Variants in MAF observed in about 807,000 individuals in gnomAD.
MAF encodes the protein MAF bZIP transcription factor, also known as transcription factor Maf.
In MAF, 10 loss-of-function variants were observed where a neutral mutation model predicts 22.0. The ratio of observed to expected loss-of-function variants is 0.45; its 90% CI spans 0.28 to 0.77. The LOEUF is 0.77. Ranked by LOEUF, MAF falls within the 30% of genes least tolerant of loss-of-function variation. MAF has a pLI of 0.12. For synonymous variants in MAF, 337 were observed against 255.8 expected, an observed-to-expected ratio of 1.32 and a Z score of -3.03; for missense variants, 544 against 548.4, an observed-to-expected ratio of 0.99 and a Z score of 0.08.
the MAF span, among the ~76,000 whole-genome samples, chr16:79,436,528 T>G: frequency 6.6e-6 from 1 of 152,210 alleles, no homozygotes. Flanking sequence ...AGAAAAGTGC[T>G]TCTCTTGCTT....
At chr16:79,569,822 C>A in the MAF span, among the ~76,000 whole-genome samples, 1 of 152,144 alleles carries the variant, frequency 6.6e-6, no homozygotes, top group Non-Finnish European at 1.5e-5. Context: ...AACCACCAAC[C>A]TAGAGGGAGC....
At chr16:79,472,104 C>T in the MAF span, among the ~76,000 whole-genome samples, 15,229 of 152,126 alleles carry the variant, frequency 0.1, 1,267 homozygotes, top group African/African-American at 0.23. Flanking sequence ...CAAGGAGCCA[C>T]CATATGTAAG....
the MAF span, among the ~76,000 whole-genome samples, chr16:79,336,697 C>T: frequency 2.6e-5 from 4 of 152,176 alleles, no homozygotes; most frequent in African/African-American, 9.7e-5. Flanking sequence ...TCAAGCATTT[C>T]TTATTTTACT....
the MAF span, among the ~76,000 whole-genome samples, chr16:79,346,109 T>C: frequency 2.0e-5 from 3 of 152,032 alleles, no homozygotes; most frequent in Non-Finnish European, 4.4e-5. Context: ...ACATGTGCCA[T>C]GTTGGTGTGC....
At chr16:79,256,911 G>T in the MAF span, among the ~76,000 whole-genome samples, 2 of 152,294 alleles carry the variant, frequency 1.3e-5, no homozygotes, top group African/African-American at 2.4e-5. Flanking sequence ...GGGCCCGGTG[G>T]CTCACGCCTG....
chr16:79,458,098 TG>T, the MAF span, among the ~76,000 whole-genome samples: 1 of 74,544 alleles, frequency 1.3e-5, no homozygotes, highest in Non-Finnish European at 3.8e-5. Flanking sequence ...ACTAAGATTT[TG>T]GTATGTATAA....
the MAF span, among the ~76,000 whole-genome samples, chr16:79,567,505 TA>T: frequency 1.3e-5 from 2 of 152,146 alleles, no homozygotes; most frequent in Non-Finnish European, 2.9e-5. Flanking sequence ...TTTTCTTTTT[TA>T]AAAAAAGTAA....
chr16:79,407,766 T>C, the MAF span, among the ~76,000 whole-genome samples: 30 of 152,196 alleles, frequency 2.0e-4, no homozygotes, highest in African/African-American at 6.0e-4. Context: ...CTGACACAAG[T>C]TGAATTTAAA....
At chr16:79,342,900 C>T in the MAF span, among the ~76,000 whole-genome samples, 4 of 152,094 alleles carry the variant, frequency 2.6e-5, no homozygotes, top group Non-Finnish European at 2.9e-5. Flanking sequence ...CCAAAGCGTT[C>T]GTTCTTACAG....
the MAF span, among the ~76,000 whole-genome samples, chr16:79,484,337 C>A: frequency 2.6e-5 from 4 of 152,202 alleles, no homozygotes; most frequent in Non-Finnish European, 5.9e-5. Flanking sequence ...TGACCACTAC[C>A]TCCCCACCCA....
At chr16:79,335,523 G>A in the MAF span, among the ~76,000 whole-genome samples, 19 of 152,200 alleles carry the variant, frequency 1.2e-4, no homozygotes, top group Admixed American at 1.2e-3. Context: ...AATGGCATGG[G>A]TAGGAACGGT....
chr16:79,463,173 C>T, the MAF span, among the ~76,000 whole-genome samples: 355 of 152,134 alleles, frequency 2.3e-3, 1 homozygote, highest in African/African-American at 8.2e-3. Context: ...GAGATCAGGC[C>T]CATGTAGCTG....
At chr16:79,309,775 T>C in the MAF span, among the ~76,000 whole-genome samples, 2 of 152,206 alleles carry the variant, frequency 1.3e-5, no homozygotes, top group Admixed American at 6.5e-5. Flanking sequence ...GTGATGCAGA[T>C]GGCTCCCCTT....
chr16:79,361,185 T>C, the MAF span, among the ~76,000 whole-genome samples: 5 of 152,044 alleles, frequency 3.3e-5, no homozygotes, highest in African/African-American at 1.2e-4. Flanking sequence ...TCTGGTGGAG[T>C]TGACACCAGG....
the MAF span, among the ~76,000 whole-genome samples, chr16:79,449,031 A>G: frequency 6.6e-6 from 1 of 152,182 alleles, no homozygotes; most frequent in African/African-American, 2.4e-5. Flanking sequence ...TTTTCCTCCA[A>G]TGAGACAGTC....
At chr16:79,306,385 A>T in the MAF span, among the ~76,000 whole-genome samples, 1 of 152,176 alleles carries the variant, frequency 6.6e-6, no homozygotes. Context: ...TTCCACACAC[A>T]TGTATGGAGT....
chr16:79,587,640 G>A (rs377056054), intron 1 of MAF, among the ~76,000 whole-genome samples: 2 of 152,086 alleles, frequency 1.3e-5, no homozygotes, highest in Non-Finnish European at 2.9e-5. Flanking sequence ...ATAATTGGAC[G>A]TAGGCTTTGC....
At chr16:79,355,322 A>T in the MAF span, among the ~76,000 whole-genome samples, 5 of 152,166 alleles carry the variant, frequency 3.3e-5, no homozygotes, top group Non-Finnish European at 7.3e-5. Flanking sequence ...GGCAGGAGGA[A>T]CCCCAGGTCA....
At chr16:79,532,268 G>A in the MAF span, among the ~76,000 whole-genome samples, 1 of 152,130 alleles carries the variant, frequency 6.6e-6, no homozygotes, top group Non-Finnish European at 1.5e-5. Flanking sequence ...AAGGCAGGAG[G>A]GTTGAGAACA....
Sources: gnomAD v4.1 joint callset for allele counts (sites outside exome capture counted in the v4.1 genomes callset) on GRCh38, gnomAD v4.1.1 for gene constraint, MANE v1.5 for transcripts, NCBI Gene and HGNC (gene_info 2026-07-23, HGNC 2026-07-21) for gene names.